RIMS2: variants seen among roughly 807,000 people sequenced by gnomAD.
RIMS2 encodes the protein regulating synaptic membrane exocytosis 2.
Under a neutral mutation model 174.4 loss-of-function variants are expected in RIMS2, and 59 were observed. That is an observed-to-expected ratio of 0.34 (90% CI 0.27 to 0.42). The LOEUF (loss-of-function observed/expected upper bound fraction) is 0.42. Among genes scored for constraint, RIMS2 ranks in the 10% least tolerant of loss-of-function variants. The pLI, the probability that RIMS2 is intolerant of heterozygous loss-of-function variation, is 1.00. For missense variants in RIMS2, 1,620 were observed against 1,666.3 expected (o/e 0.97, Z 0.48); for synonymous variants, 606 against 572.5 (o/e 1.06, Z -0.84).
At chr8:103,824,965 A>G (rs1461023870) in intron 3 of RIMS2, among the ~76,000 whole-genome samples, 1 of 152,210 alleles carries the variant, frequency 6.6e-6, no homozygotes, top group Non-Finnish European at 1.5e-5. Flanking sequence ...TATGTTGGGT[A>G]GTATTGAACA....
chr8:103,644,428 T>A (rs950445149), intron 1 of RIMS2, among the ~76,000 whole-genome samples: 1 of 152,118 alleles, frequency 6.6e-6, no homozygotes, highest in Non-Finnish European at 1.5e-5. Context: ...GATCTTTATA[T>A]GTCAGATTGG....
chr8:103,886,776 C>A (rs1262013789), intron 4 of RIMS2, among the ~76,000 whole-genome samples: 1 of 151,320 alleles, frequency 6.6e-6, no homozygotes, highest in Non-Finnish European at 1.5e-5. Context: ...GTTATCACAT[C>A]ATAAATGATT....
chr8:104,150,657 C>T (rs2098682067), intron 19 of RIMS2, among the ~76,000 whole-genome samples: 2 of 152,042 alleles, frequency 1.3e-5, no homozygotes, highest in African/African-American at 4.8e-5. Flanking sequence ...ATGATATGTG[C>T]AGGAATGATA....
intron 19 of RIMS2, chr8:104,094,448 C>T (rs2097719361): frequency 2.5e-5 from 15 of 592,198 alleles, no homozygotes; most frequent in African/African-American, 3.8e-5. Flanking sequence ...TGTTTATTTG[C>T]ATGCCTTCAA....
intron 1 of RIMS2, among the ~76,000 whole-genome samples, chr8:103,583,472 T>C (rs1237367333): frequency 6.6e-6 from 1 of 152,042 alleles, no homozygotes; most frequent in Non-Finnish European, 1.5e-5. Context: ...CCTGGAGAAA[T>C]ATATGTGACA....
At chr8:104,166,128 G>A (rs1381395413) in intron 19 of RIMS2, among the ~76,000 whole-genome samples, 4 of 145,244 alleles carry the variant, frequency 2.8e-5, no homozygotes, top group South Asian at 2.2e-4. Flanking sequence ...GTGCAGTGGC[G>A]TGATCTCGGC....
intron 3 of RIMS2, among the ~76,000 whole-genome samples, chr8:103,814,711 T>A (rs2098708328): frequency 6.6e-6 from 1 of 152,026 alleles, no homozygotes; most frequent in East Asian, 1.9e-4. Flanking sequence ...CCCCTCCATC[T>A]CTACAAGAAA....
chr8:103,860,160 AAAT>A (rs1384854340), intron 3 of RIMS2, among the ~76,000 whole-genome samples: 1 of 152,168 alleles, frequency 6.6e-6, no homozygotes, highest in Non-Finnish European at 1.5e-5. Flanking sequence ...GATTGGAGAA[AAAT>A]AATAATATTC....
intron 2 of RIMS2, among the ~76,000 whole-genome samples, chr8:103,742,210 G>C (rs560802857): frequency 2.0e-5 from 3 of 151,966 alleles, no homozygotes; most frequent in Non-Finnish European, 4.4e-5. Context: ...TCTTGAGATG[G>C]ATATAAAGAT....
intron 1 of RIMS2, among the ~76,000 whole-genome samples, chr8:103,529,284 G>A (rs1478781015): frequency 6.6e-6 from 1 of 152,182 alleles, no homozygotes; most frequent in Non-Finnish European, 1.5e-5. Context: ...AGCTTAAGGA[G>A]ATTTTGGGTT....
chr8:103,833,240 CTTGA>C (rs1434703256), intron 3 of RIMS2, among the ~76,000 whole-genome samples: 4 of 152,056 alleles, frequency 2.6e-5, no homozygotes, highest in South Asian at 2.1e-4. Context: ...GTCGTTGGCA[CTTGA>C]TTGTCTTTCT....
At chr8:103,618,389 T>C (rs2095555428) in intron 1 of RIMS2, among the ~76,000 whole-genome samples, 1 of 151,780 alleles carries the variant, frequency 6.6e-6, no homozygotes, top group Non-Finnish European at 1.5e-5. Flanking sequence ...AGGAAATGGG[T>C]TGAGGAAGAA....
chr8:104,015,854 AT>A (rs2095887131), intron 19 of RIMS2, among the ~76,000 whole-genome samples: 1 of 152,010 alleles, frequency 6.6e-6, no homozygotes, highest in African/African-American at 2.4e-5. Flanking sequence ...CATATATTTC[AT>A]TTTTTATGAT....
At chr8:103,909,865 A>T (rs1284207315) in intron 4 of RIMS2, among the ~76,000 whole-genome samples, 1 of 151,792 alleles carries the variant, frequency 6.6e-6, no homozygotes, top group East Asian at 1.9e-4. Flanking sequence ...TCTGTTTATT[A>T]TTAGCTTTTT....
intron 3 of RIMS2, among the ~76,000 whole-genome samples, chr8:103,774,839 A>G (rs1382153914): frequency 2.6e-5 from 4 of 152,166 alleles, no homozygotes; most frequent in African/African-American, 9.6e-5. Flanking sequence ...TGTATTTGTC[A>G]GTGGCTACTA....
intron 19 of RIMS2, among the ~76,000 whole-genome samples, chr8:104,083,815 C>A (rs1358406792): frequency 6.6e-6 from 1 of 152,046 alleles, no homozygotes; most frequent in Admixed American, 6.6e-5. Context: ...CACTTCTTGA[C>A]TGAGGCAGAT....
intron 3 of RIMS2, among the ~76,000 whole-genome samples, chr8:103,801,548 TAC>T (rs2098608143): frequency 1.3e-5 from 2 of 152,242 alleles, no homozygotes; most frequent in Non-Finnish European, 2.9e-5. Flanking sequence ...CTGTATATCT[TAC>T]ACCTATATTT....
At chr8:104,030,423 A>T (rs957931721) in intron 19 of RIMS2, among the ~76,000 whole-genome samples, 2 of 152,188 alleles carry the variant, frequency 1.3e-5, no homozygotes, top group Non-Finnish European at 2.9e-5. Context: ...AAGTTATAAG[A>T]TATATAATTA....
intron 3 of RIMS2, among the ~76,000 whole-genome samples, chr8:103,795,723 C>A (rs74859206): frequency 0.16 from 23,923 of 152,038 alleles, 1,989 homozygotes; most frequent in Middle Eastern, 0.24. Flanking sequence ...AGTTGCAGAG[C>A]TTGTTTAGTT....
Sources: gnomAD v4.1 joint callset for allele counts (sites outside exome capture counted in the v4.1 genomes callset) on GRCh38, gnomAD v4.1.1 for gene constraint, MANE v1.5 for transcripts, NCBI Gene and HGNC (gene_info 2026-07-23, HGNC 2026-07-21) for gene names.